The following CELF4 variants were observed in gnomAD, a reference collection of about 807,000 sequenced individuals.
CELF4 encodes CUG-BP- and ETR-3-like factor 4.
Under a neutral mutation model 59.9 loss-of-function variants are expected in CELF4, and 18 were observed. That is an observed-to-expected ratio of 0.30 (90% CI 0.21 to 0.45). The LOEUF (loss-of-function observed/expected upper bound fraction) is 0.45. Ranked by LOEUF, CELF4 falls within the 20% of genes least tolerant of loss-of-function variation. The pLI is 1.00. For synonymous variants in CELF4, 261 were observed against 267.1 expected, an observed-to-expected ratio of 0.98 and a Z score of 0.22; for missense variants, 456 against 689.0, an observed-to-expected ratio of 0.66 and a Z score of 3.79.
intron 1 of CELF4, among the ~76,000 whole-genome samples, chr18:37,501,929 C>G (rs1300474554): frequency 4.6e-5 from 7 of 152,166 alleles, no homozygotes; most frequent in Non-Finnish European, 1.0e-4. Flanking sequence ...CCAAGGTTCT[C>G]TTCTGGGGAA....
intron 2 of CELF4, among the ~76,000 whole-genome samples, chr18:37,387,519 C>T (rs1397549777): frequency 1.3e-5 from 2 of 152,190 alleles, no homozygotes; most frequent in African/African-American, 2.4e-5. Flanking sequence ...CAGCTGAGTC[C>T]GGCTTGCCAG....
At chr18:37,518,755 C>A (rs1235590624) in intron 1 of CELF4, among the ~76,000 whole-genome samples, 3 of 152,210 alleles carry the variant, frequency 2.0e-5, no homozygotes, top group Non-Finnish European at 4.4e-5. Flanking sequence ...TCTGCTACCT[C>A]CTGAGGCCCT....
rs557821350 is a variant in CELF4 at position 37,562,731 on chromosome 18, C to T, written c.286+2625G>A. ...TAGCTAATAAATCAGGCTCCATCAC[C>T]GAAGAAGGAGTTTAAACTCTTCTAG... On this transcript the variant is annotated intron_variant, in intron 1 of 12. Coordinates refer to ENST00000420428, the MANE Select transcript of CELF4 (RefSeq NM_020180.4). 4.6e-5 allele frequency among the ~76,000 whole-genome samples: 7 copies of T among 152,262 alleles called. No homozygotes were observed. In the South Asian group the frequency reaches 8.3e-4, roughly 18 times the overall value.
chr18:37,362,004 G>A (rs115081171), intron 2 of CELF4, among the ~76,000 whole-genome samples: 2,637 of 152,258 alleles, frequency 0.017, 77 homozygotes, highest in African/African-American at 0.061. Flanking sequence ...GACGGTCAGA[G>A]GAGCCCTGTG....
At chr18:37,376,703 C>A (rs765440794) in intron 2 of CELF4, among the ~76,000 whole-genome samples, 2 of 152,208 alleles carry the variant, frequency 1.3e-5, no homozygotes, top group Non-Finnish European at 2.9e-5. Context: ...GGCCCTGGGG[C>A]CCCCACAATG....
chr18:37,501,385 T>A (rs908528950), intron 1 of CELF4, among the ~76,000 whole-genome samples: 1 of 152,174 alleles, frequency 6.6e-6, no homozygotes, highest in African/African-American at 2.4e-5. Flanking sequence ...AGGGCTCAGG[T>A]GGGACAACGT....
At chr18:37,561,369 TTTA>T (rs1462116750) in intron 1 of CELF4, among the ~76,000 whole-genome samples, 1 of 152,242 alleles carries the variant, frequency 6.6e-6, no homozygotes, top group Non-Finnish European at 1.5e-5. Context: ...GTAAAGGCTG[TTTA>T]AACCTTTGGG....
intron 2 of CELF4, among the ~76,000 whole-genome samples, chr18:37,329,099 C>T (rs1002910843): frequency 1.3e-5 from 2 of 148,426 alleles, no homozygotes; most frequent in Non-Finnish European, 3.0e-5. Context: ...GTTTTAAATG[C>T]AAATATCAGG....
chr18:37,396,492 A>G (rs750737129), intron 2 of CELF4, among the ~76,000 whole-genome samples: 9 of 152,204 alleles, frequency 5.9e-5, no homozygotes, highest in Non-Finnish European at 1.2e-4. Context: ...ATAAAAGACC[A>G]CGGTGAGTGA....
rs1187809675 is a variant in CELF4, at chr18:37,270,868, T to C, written c.999A>G (p.Pro333=). The C allele has an allele frequency of 1.9e-6, 3 of 1,613,504 alleles. No homozygotes were observed. Among genetic ancestry groups the C allele is most frequent in the Non-Finnish European group, 2.5e-6 (3 of 1,179,904 alleles). Residue 333 remains proline, a synonymous_variant, in exon 8 of 13, where the codon CCA becomes CCG. Transcript: ENST00000420428. ...TGAAGCCATTCACCCCAATGGGGGA[T>C]GGGATGCTAGGCACGGCTGGTGCAG... ...GITAPAVPSI[P]SPIGVNGFTG...
chr18:37,503,014 A>C (rs751497840), intron 1 of CELF4, among the ~76,000 whole-genome samples: 15 of 152,208 alleles, frequency 9.9e-5, no homozygotes, highest in Admixed American at 5.2e-4. Flanking sequence ...TGGGTGCATC[A>C]TCACACATCT....
rs2092753795 is a variant in CELF4, at chr18:37,274,811, G to A, written c.651C>T (p.Thr217=). ...AAINALHGSQ[T]MPGASSSLVV... Reference sequence around the variant, plus strand: ...CCAAGGGGCCAGCACTCACCGGCATGGTCTGGCTGCCGTGTAGCGCGTTGA... The same window carrying A: ...CCAAGGGGCCAGCACTCACCGGCATAGTCTGGCTGCCGTGTAGCGCGTTGA... The change falls in exon 5 of 13, where the codon ACC becomes ACT. Residue 217 remains threonine, a synonymous_variant. Coordinates refer to ENST00000420428, the MANE Select transcript of CELF4 (RefSeq NM_020180.4). 6.2e-7 allele frequency: 1 copy of A among 1,600,182 alleles called. No homozygotes were observed. Among genetic ancestry groups the A allele is most frequent in the Non-Finnish European group, 8.5e-7 (1 of 1,174,930 alleles).
At position 37,550,776 on chromosome 18, in the gene CELF4, C is replaced by T. The variant is rs79385161; in HGVS notation, c.286+14580G>A. Among the ~76,000 whole-genome samples the T allele has an allele frequency of 7.5e-3, 1,149 of 152,328 alleles. 9 individuals carry two copies. The highest frequency in any genetic ancestry group is 0.027 in the African/African-American group (1,102 of 41,576). Reference sequence around the variant, plus strand: ...AGTAGACAGAGGTGTCCCTGCCTCACGCTGGCTCCCTCTGGCCTGGCCTGT... The same window carrying T: ...AGTAGACAGAGGTGTCCCTGCCTCATGCTGGCTCCCTCTGGCCTGGCCTGT... On this transcript the variant is annotated intron_variant, in intron 1 of 12. Transcript: ENST00000420428.
At chr18:37,560,953 G>A (rs1314086162) in intron 1 of CELF4, among the ~76,000 whole-genome samples, 6 of 152,156 alleles carry the variant, frequency 3.9e-5, no homozygotes, top group East Asian at 3.8e-4. Context: ...TCATATCCCC[G>A]TCCTTCCTCT....
At chr18:37,370,993 C>T (rs773088529) in intron 2 of CELF4, among the ~76,000 whole-genome samples, 14 of 152,196 alleles carry the variant, frequency 9.2e-5, no homozygotes, top group Non-Finnish European at 1.8e-4. Context: ...CTGCTGGAGC[C>T]TCCTATTGAG....
intron 2 of CELF4, among the ~76,000 whole-genome samples, chr18:37,353,011 G>A (rs1313411382): frequency 1.3e-5 from 2 of 152,086 alleles, no homozygotes; most frequent in Non-Finnish European, 2.9e-5. Flanking sequence ...CAGGAAGTCA[G>A]GAGATCGAGA....
chr18:37,546,515 C>A (rs1485533815), intron 1 of CELF4, among the ~76,000 whole-genome samples: 2 of 152,152 alleles, frequency 1.3e-5, no homozygotes, highest in African/African-American at 2.4e-5. Flanking sequence ...TGTGAGATAC[C>A]TCTGGACCCT....
intron 2 of CELF4, among the ~76,000 whole-genome samples, chr18:37,428,059 T>G (rs1405033756): frequency 3.3e-5 from 5 of 152,252 alleles, no homozygotes; most frequent in Non-Finnish European, 1.5e-5. Context: ...TGTCTGTCCA[T>G]GTTCTGGGAG....
chr18:37,347,937 C>T (rs1393874440), intron 2 of CELF4, among the ~76,000 whole-genome samples: 4 of 152,114 alleles, frequency 2.6e-5, no homozygotes, highest in Admixed American at 2.6e-4. Context: ...AGAGATACCT[C>T]CCACGTTCCC....
Sources: gnomAD v4.1 joint callset for allele counts (sites outside exome capture counted in the v4.1 genomes callset) on GRCh38, gnomAD v4.1.1 for gene constraint, MANE v1.5 for transcripts, NCBI Gene and HGNC (gene_info 2026-07-23, HGNC 2026-07-21) for gene names.